Variants in FGD4 observed in about 807,000 individuals in gnomAD.
FGD4 encodes the protein FYVE, RhoGEF and PH domain containing 4.
In FGD4, 42 loss-of-function variants were observed where a neutral mutation model predicts 102.0. The ratio of observed to expected loss-of-function variants is 0.41; its 90% CI spans 0.32 to 0.53. The LOEUF is 0.53. Ranked by LOEUF, FGD4 falls within the 20% of genes least tolerant of loss-of-function variation. The probability of loss-of-function intolerance (pLI) is 0.21; values close to 1 mark genes in which losing one functional copy is unlikely to be tolerated. For missense variants in FGD4, 902 were observed against 1,078.2 expected, an observed-to-expected ratio of 0.84 and a Z score of 2.29; for synonymous variants, 380 against 375.7, an observed-to-expected ratio of 1.01 and a Z score of -0.13.
chr12:32,596,138 G>A (rs1947872773), intron 4 of FGD4, among the ~76,000 whole-genome samples: 1 of 152,196 alleles, frequency 6.6e-6, no homozygotes, highest in Non-Finnish European at 1.5e-5. Flanking sequence ...CAGAGAAAGG[G>A]AGGGTATTTC....
intron 1 of FGD4, among the ~76,000 whole-genome samples, chr12:32,523,183 G>A (rs1940734299): frequency 6.6e-6 from 1 of 152,220 alleles, no homozygotes; most frequent in Non-Finnish European, 1.5e-5. Flanking sequence ...ATCTATCATA[G>A]AGTTGACTAA....
intron 1 of FGD4, among the ~76,000 whole-genome samples, chr12:32,554,509 T>C (rs1943942214): frequency 6.6e-6 from 1 of 152,218 alleles, no homozygotes; most frequent in South Asian, 2.1e-4. Context: ...CTGTGACAGG[T>C]GGTATTCCTG....
chr12:32,541,526 C>T (rs1418982585), intron 1 of FGD4, among the ~76,000 whole-genome samples: 1 of 152,084 alleles, frequency 6.6e-6, no homozygotes, highest in African/African-American at 2.4e-5. Context: ...CCACCACACC[C>T]AGCTAATTTT....
intron 3 of FGD4, among the ~76,000 whole-genome samples, chr12:32,580,477 C>T (rs1200198431): frequency 6.6e-6 from 1 of 152,178 alleles, no homozygotes. Context: ...AGTCTGCAAC[C>T]TCACCGAGTT....
At chr12:32,595,627 T>C (rs562737581) in intron 4 of FGD4, among the ~76,000 whole-genome samples, 1 of 152,348 alleles carries the variant, frequency 6.6e-6, no homozygotes, top group African/African-American at 2.4e-5. Context: ...ATAAGGTCTG[T>C]TTCCCTAGAG....
intron 1 of FGD4, among the ~76,000 whole-genome samples, chr12:32,446,511 CAG>C (rs1457308111): frequency 6.6e-6 from 1 of 152,146 alleles, no homozygotes; most frequent in African/African-American, 2.4e-5. Context: ...CCTGTGTCTA[CAG>C]AGATAAAGAC....
chr12:32,434,917 G>T (rs2651362), intron 1 of FGD4, among the ~76,000 whole-genome samples: 1 of 151,728 alleles, frequency 6.6e-6, no homozygotes, highest in Non-Finnish European at 1.5e-5. Flanking sequence ...GAGAGGAGCA[G>T]CTTCGCTTCA....
chr12:32,438,983 G>C (rs958048679), intron 1 of FGD4, among the ~76,000 whole-genome samples: 1 of 152,054 alleles, frequency 6.6e-6, no homozygotes, highest in East Asian at 1.9e-4. Flanking sequence ...TTTTTTGATC[G>C]AGCTAATTAA....
chr12:32,453,219 T>TAA (rs59953384), intron 1 of FGD4, among the ~76,000 whole-genome samples: 5 of 109,824 alleles, frequency 4.6e-5, no homozygotes, highest in South Asian at 3.1e-4. Context: ...TATATATATA[T>TAA]AATATAGATA....
Position 32,633,635 on chromosome 12 carries a change from A to G in FGD4, c.2259A>G (p.Gln753=), listed in dbSNP as rs754580302. The G allele has an allele frequency of 6.2e-7, 1 of 1,611,650 alleles. No homozygotes were observed. The highest frequency in any genetic ancestry group is 8.5e-7 in the Non-Finnish European group (1 of 1,177,770). ...KLSKVCKDCY[Q]IISGFTDSEE... Reference sequence around the variant, plus strand: ...GCAAAGTTTGTAAAGACTGTTATCAAATCATAAGTGGATTCACAGACAGTG... The same window carrying G: ...GCAAAGTTTGTAAAGACTGTTATCAGATCATAAGTGGATTCACAGACAGTG... Residue 753 remains glutamine, a synonymous_variant, in exon 15 of 17, where the codon CAA becomes CAG. Coordinates refer to ENST00000534526, the MANE Select transcript of FGD4 (RefSeq NM_001370298.3).
intron 1 of FGD4, among the ~76,000 whole-genome samples, chr12:32,440,427 G>A (rs1416336143): frequency 1.3e-5 from 2 of 152,204 alleles, no homozygotes; most frequent in African/African-American, 4.8e-5. Flanking sequence ...TGACGATCTT[G>A]GACAAGATTC....
At chr12:32,457,558 C>T (rs1942979988) in intron 1 of FGD4, among the ~76,000 whole-genome samples, 1 of 152,070 alleles carries the variant, frequency 6.6e-6, no homozygotes, top group African/African-American at 2.4e-5. Flanking sequence ...GACAGTTTGT[C>T]CTTGGTTTAT....
chr12:32,476,515 C>T (rs1161913085), intron 1 of FGD4, among the ~76,000 whole-genome samples: 1 of 152,160 alleles, frequency 6.6e-6, no homozygotes, highest in Non-Finnish European at 1.5e-5. Context: ...TAATTCTCCT[C>T]CACGCAGCCC....
intron 7 of FGD4, among the ~76,000 whole-genome samples, chr12:32,605,889 C>T (rs972797377): frequency 3.3e-5 from 5 of 151,680 alleles, no homozygotes; most frequent in Admixed American, 1.3e-4. Context: ...ATGATAGTGG[C>T]GATGGTGGTG....
At chr12:32,470,731 G>C (rs2136517438) in intron 1 of FGD4, among the ~76,000 whole-genome samples, 1 of 152,276 alleles carries the variant, frequency 6.6e-6, no homozygotes, top group South Asian at 2.1e-4. Flanking sequence ...TGGGATTACA[G>C]GCGTGAGCCG....
intron 4 of FGD4, among the ~76,000 whole-genome samples, chr12:32,592,212 A>T (rs1947543139): frequency 6.6e-6 from 1 of 151,990 alleles, no homozygotes; most frequent in Non-Finnish European, 1.5e-5. Context: ...CCTCCTGAGT[A>T]GCTGGGACTA....
intron 1 of FGD4, among the ~76,000 whole-genome samples, chr12:32,455,307 A>T (rs1164060407): frequency 1.3e-5 from 2 of 152,234 alleles, no homozygotes; most frequent in East Asian, 1.9e-4. Context: ...TATACATAAA[A>T]TTTTTTATTT....
chr12:32,529,261 TGCACCACCACGC>T (rs1334668934), intron 1 of FGD4, among the ~76,000 whole-genome samples: 13 of 151,936 alleles, frequency 8.6e-5, no homozygotes, highest in South Asian at 4.1e-4. Flanking sequence ...ACTACAGGCG[TGCACCACCACGC>T]GCACCACCAC....
At chr12:32,632,970 C>T (rs1950580710) in intron 14 of FGD4, among the ~76,000 whole-genome samples, 1 of 152,072 alleles carries the variant, frequency 6.6e-6, no homozygotes, top group South Asian at 2.1e-4. Context: ...GCTACAAGGA[C>T]CAGTCACAAG....
Sources: allele counts gnomAD v4.1 joint callset (sites outside exome capture counted in the v4.1 genomes callset), GRCh38; gene constraint gnomAD v4.1.1; transcripts MANE v1.5; gene names NCBI Gene and HGNC (gene_info 2026-07-23, HGNC 2026-07-21).